IQCM: variants seen among roughly 807,000 people sequenced by gnomAD.
The protein encoded by IQCM is IQ domain-containing protein M.
In IQCM, 45 loss-of-function variants were observed where a neutral mutation model predicts 57.6. The observed-to-expected ratio is 0.78, with a 90% CI of 0.62 to 1.00. The LOEUF (loss-of-function observed/expected upper bound fraction) is 1.00, where lower values mean the gene tolerates loss of function less well. IQCM is among the 50% of genes least tolerant of loss of function. The pLI is 0.00. For synonymous variants in IQCM, 148 were observed against 158.9 expected, an observed-to-expected ratio of 0.93 and a Z score of 0.51; for missense variants, 468 against 511.6, an observed-to-expected ratio of 0.91 and a Z score of 0.82.
At chr4:149,785,738 G>T (rs1772021911) in intron 2 of IQCM, among the ~76,000 whole-genome samples, 1 of 151,622 alleles carries the variant, frequency 6.6e-6, no homozygotes. Flanking sequence ...TGGTCAGATT[G>T]TAAATAGTTT....
chr4:149,514,239 G>T (rs1293380416), intron 12 of IQCM, among the ~76,000 whole-genome samples: 1 of 152,106 alleles, frequency 6.6e-6, no homozygotes, highest in Non-Finnish European at 1.5e-5. Flanking sequence ...TAAATGATCT[G>T]CCCAAGTGAT....
intron 9 of IQCM, among the ~76,000 whole-genome samples, chr4:149,570,921 GA>G (rs1328995657): frequency 2.0e-5 from 3 of 151,930 alleles, no homozygotes; most frequent in Non-Finnish European, 4.4e-5. Flanking sequence ...AATCATCAGG[GA>G]AAGACAAATT....
intron 12 of IQCM, among the ~76,000 whole-genome samples, chr4:149,470,667 T>C (rs1452525585): frequency 6.6e-6 from 1 of 152,144 alleles, no homozygotes. Context: ...CAACAGAATA[T>C]ACATTCTTCT....
rs1454079739 is a variant in IQCM, at chr4:149,621,237, T to A, written c.573A>T (p.Ala191=). ...NLELLKEPDK[A]FYDWRGFVLT... ...GCACAAATCCTCTCCAGTCATAGAA[T>A]GCTTTGTCTGTTAGAAATATCAATG... The change falls in exon 8 of 14, where the codon GCA becomes GCT. Residue 191 remains alanine, a synonymous_variant. Coordinates refer to ENST00000636793, the MANE Select transcript of IQCM (RefSeq NM_001363507.2). 4.9e-6 allele frequency: 6 copies of A among 1,227,718 alleles called. No individual in the cohort carries two copies. The highest frequency in any genetic ancestry group is 4.7e-5 in the African/African-American group (3 of 64,348). 76.1% of individuals were successfully genotyped at this position (1,227,718 alleles called of 1,614,324 possible). A position where few individuals can be genotyped will look rare whatever the true frequency, so the allele number is the denominator to read the frequency against.
chr4:149,721,832 T>C (rs758122709), intron 5 of IQCM, among the ~76,000 whole-genome samples: 1 of 152,144 alleles, frequency 6.6e-6, no homozygotes. Flanking sequence ...CTGGGTTGAA[T>C]GGTAGATCTA....
chr4:149,731,025 T>C (rs932489528), intron 5 of IQCM, among the ~76,000 whole-genome samples: 3 of 152,194 alleles, frequency 2.0e-5, no homozygotes, highest in African/African-American at 7.2e-5. Flanking sequence ...AATGGCTATC[T>C]CCACATGTGT....
intron 7 of IQCM, among the ~76,000 whole-genome samples, chr4:149,669,959 G>A (rs1317806611): frequency 1.3e-5 from 2 of 152,112 alleles, no homozygotes; most frequent in Non-Finnish European, 2.9e-5. Flanking sequence ...TGGCAATGTG[G>A]GCTCTTTTTT....
intron 12 of IQCM, among the ~76,000 whole-genome samples, chr4:149,483,846 T>C (rs1467811836): frequency 2.6e-5 from 4 of 152,004 alleles, no homozygotes; most frequent in African/African-American, 9.7e-5. Context: ...TTGTGAGATC[T>C]ATCCAGTGCT....
intron 7 of IQCM, among the ~76,000 whole-genome samples, chr4:149,649,823 T>C (rs966984438): frequency 3.3e-5 from 5 of 152,180 alleles, no homozygotes; most frequent in African/African-American, 1.2e-4. Flanking sequence ...TAATAATCAC[T>C]GTCAGGTCTC....
At chr4:149,389,768 T>A (rs758417376) in intron 13 of IQCM, among the ~76,000 whole-genome samples, 1 of 149,998 alleles carries the variant, frequency 6.7e-6, no homozygotes, top group Non-Finnish European at 1.5e-5. Context: ...GATGACGAGT[T>A]AGTGGGTGCA....
intron 13 of IQCM, chr4:149,430,024 G>A: frequency 8.1e-7 from 1 of 1,228,476 alleles, no homozygotes; most frequent in Non-Finnish European, 1.0e-6. Flanking sequence ...AATTTCAGGT[G>A]GAAAACTGCA....
intron 7 of IQCM, among the ~76,000 whole-genome samples, chr4:149,657,611 T>A (rs1759748649): frequency 6.6e-6 from 1 of 152,178 alleles, no homozygotes. Context: ...CTTACTAATT[T>A]ACCATCCTAC....
intron 2 of IQCM, among the ~76,000 whole-genome samples, chr4:149,805,920 GT>G (rs1320584362): frequency 1.3e-5 from 2 of 151,790 alleles, no homozygotes; most frequent in African/African-American, 4.8e-5. Flanking sequence ...TAAATTATTT[GT>G]TTTTTGATGT....
At chr4:149,366,504 T>G (rs544447433) in intron 13 of IQCM, among the ~76,000 whole-genome samples, 1 of 152,032 alleles carries the variant, frequency 6.6e-6, no homozygotes, top group East Asian at 1.9e-4. Context: ...AGGTTCAAGT[T>G]CATGTCTGTT....
intron 9 of IQCM, among the ~76,000 whole-genome samples, chr4:149,577,349 T>C (rs1561012406): frequency 6.6e-6 from 1 of 151,910 alleles, no homozygotes; most frequent in Non-Finnish European, 1.5e-5. Context: ...TCTTCTAGAA[T>C]TTTTTATACT....
intron 10 of IQCM, among the ~76,000 whole-genome samples, chr4:149,561,631 T>C (rs1165459420): frequency 6.6e-6 from 1 of 152,148 alleles, no homozygotes; most frequent in Non-Finnish European, 1.5e-5. Context: ...GCAATCTATC[T>C]AGCCAAACTG....
chr4:149,679,547 A>G (rs567899341), intron 7 of IQCM, among the ~76,000 whole-genome samples: 1 of 151,682 alleles, frequency 6.6e-6, no homozygotes, highest in East Asian at 1.9e-4. Context: ...AGAGAAGACA[A>G]ATATTTATGG....
chr4:149,505,298 C>A (rs924278478), intron 12 of IQCM, among the ~76,000 whole-genome samples: 2 of 152,070 alleles, frequency 1.3e-5, no homozygotes, highest in Admixed American at 6.6e-5. Flanking sequence ...TTAAAATAAT[C>A]TTTGTTTGAC....
intron 8 of IQCM, among the ~76,000 whole-genome samples, chr4:149,615,191 T>G (rs987671915): frequency 3.9e-5 from 6 of 152,168 alleles, no homozygotes; most frequent in African/African-American, 7.2e-5. Context: ...GATTGCTTCA[T>G]ACATTATAAA....
Sources: allele counts gnomAD v4.1 joint callset (sites outside exome capture counted in the v4.1 genomes callset), GRCh38; gene constraint gnomAD v4.1.1; transcripts MANE v1.5; gene names NCBI Gene and HGNC (gene_info 2026-07-23, HGNC 2026-07-21).